The following PKP4 variants were observed in gnomAD, a reference collection of about 807,000 sequenced individuals.
PKP4 encodes the protein plakophilin-4.
A neutral mutation model predicts 145.1 loss-of-function variants in PKP4; 90 were observed. The ratio of observed to expected loss-of-function variants is 0.62; its 90% CI spans 0.52 to 0.74. The LOEUF (loss-of-function observed/expected upper bound fraction) is 0.74. PKP4 is among the 30% of genes least tolerant of loss of function. PKP4 has a pLI of 0.00. For synonymous variants in PKP4, 563 were observed against 577.2 expected, an observed-to-expected ratio of 0.98 and a Z score of 0.35; for missense variants, 1,340 against 1,482.7, an observed-to-expected ratio of 0.90 and a Z score of 1.58.
At chr2:158,490,256 G>T (rs574027170) in intron 1 of PKP4, among the ~76,000 whole-genome samples, 2 of 151,548 alleles carry the variant, frequency 1.3e-5, no homozygotes, top group African/African-American at 2.4e-5. Context: ...CAAATTGAAC[G>T]TGTCGATGCA....
intron 10 of PKP4, among the ~76,000 whole-genome samples, chr2:158,641,682 A>G (rs2105932067): frequency 6.6e-6 from 1 of 152,338 alleles, no homozygotes; most frequent in East Asian, 1.9e-4. Context: ...TGAATGTAGT[A>G]CATAAAGCCC....
intron 1 of PKP4, among the ~76,000 whole-genome samples, chr2:158,485,715 T>C (rs936143876): frequency 6.6e-6 from 1 of 152,240 alleles, no homozygotes; most frequent in African/African-American, 2.4e-5. Context: ...GGGAGAATGA[T>C]ACTGAAATTT....
chr2:158,480,081 C>G (rs931886891), intron 1 of PKP4, among the ~76,000 whole-genome samples: 1 of 152,198 alleles, frequency 6.6e-6, no homozygotes, highest in African/African-American at 2.4e-5. Context: ...TGTCCCATAT[C>G]CCTAGGTCAG....
chr2:158,642,939 CAG>C (rs1431500490), intron 11 of PKP4, among the ~76,000 whole-genome samples: 4 of 152,272 alleles, frequency 2.6e-5, no homozygotes, highest in Non-Finnish European at 5.9e-5. Context: ...TATCAGCTAA[CAG>C]ATGTCTTTTT....
chr2:158,670,204 G>A (rs2057438012), intron 17 of PKP4, among the ~76,000 whole-genome samples: 1 of 152,154 alleles, frequency 6.6e-6, no homozygotes, highest in Admixed American at 6.5e-5. Flanking sequence ...GTTGTGAACT[G>A]GGTGGCTTAT....
intron 1 of PKP4, among the ~76,000 whole-genome samples, chr2:158,469,240 C>G (rs141642850): frequency 6.6e-6 from 1 of 151,984 alleles, no homozygotes; most frequent in African/African-American, 2.4e-5. Flanking sequence ...CAGGTGCACA[C>G]CACCATGCCC....
intron 1 of PKP4, among the ~76,000 whole-genome samples, chr2:158,465,548 T>C (rs1316556980): frequency 6.6e-6 from 1 of 152,230 alleles, no homozygotes; most frequent in Non-Finnish European, 1.5e-5. Flanking sequence ...GCAGCAGTAT[T>C]TTCGTTTATT....
chr2:158,627,224 A>G (rs1235340691), intron 7 of PKP4, among the ~76,000 whole-genome samples: 1 of 152,154 alleles, frequency 6.6e-6, no homozygotes, highest in African/African-American at 2.4e-5. Flanking sequence ...TCTACCTCCC[A>G]AGGAAATCTT....
At chr2:158,473,804 A>G (rs936551335) in intron 1 of PKP4, among the ~76,000 whole-genome samples, 1 of 152,220 alleles carries the variant, frequency 6.6e-6, no homozygotes, top group African/African-American at 2.4e-5. Flanking sequence ...CTAAAAGTTT[A>G]AAATACATAT....
At chr2:158,544,209 C>T (rs1325635737) in intron 2 of PKP4, among the ~76,000 whole-genome samples, 1 of 152,158 alleles carries the variant, frequency 6.6e-6, no homozygotes, top group Non-Finnish European at 1.5e-5. Flanking sequence ...TGTTTCCAAG[C>T]CTCAGTCTGC....
chr2:158,641,079 A>G (rs560759554), intron 10 of PKP4, among the ~76,000 whole-genome samples: 3 of 152,286 alleles, frequency 2.0e-5, no homozygotes, highest in Non-Finnish European at 2.9e-5. Context: ...GCTCATGCCT[A>G]TAATCTCAGC....
chr2:158,659,157 G>A (rs1207155672), intron 12 of PKP4: 2 of 152,340 alleles, frequency 1.3e-5, no homozygotes, highest in African/African-American at 4.8e-5. Flanking sequence ...CAAAGCTTGT[G>A]TGGCTGGTCT....
chr2:158,484,755 T>C (rs1693924025), intron 1 of PKP4, among the ~76,000 whole-genome samples: 1 of 152,234 alleles, frequency 6.6e-6, no homozygotes, highest in Non-Finnish European at 1.5e-5. Context: ...CATGAAACTA[T>C]TCTTTTAAGA....
intron 4 of PKP4, among the ~76,000 whole-genome samples, chr2:158,609,679 G>T (rs2050963553): frequency 6.6e-6 from 1 of 152,188 alleles, no homozygotes; most frequent in South Asian, 2.1e-4. Flanking sequence ...TTGAAATGTG[G>T]TAAACTGGAA....
At chr2:158,500,676 C>T (rs1406537769) in intron 1 of PKP4, among the ~76,000 whole-genome samples, 3 of 152,200 alleles carry the variant, frequency 2.0e-5, no homozygotes, top group East Asian at 1.9e-4. Flanking sequence ...AGCCCTCTTA[C>T]ATTGTTGGCC....
chr2:158,525,862 G>T (rs886811224), intron 1 of PKP4, among the ~76,000 whole-genome samples: 3 of 149,202 alleles, frequency 2.0e-5, no homozygotes, highest in Non-Finnish European at 3.0e-5. Context: ...ACACCTCTAC[G>T]CAAATAAACT....
chr2:158,642,647 G>C lies in PKP4; in HGVS notation c.1857G>C (p.Leu619Phe). Residue 619 changes from leucine (L) to phenylalanine (F), a missense_variant, in exon 11 of 22, where the codon TTG becomes TTC. Leu to Phe is a conservative substitution (Grantham distance 22, BLOSUM62 0). Coordinates refer to ENST00000389759, the MANE Select transcript of PKP4 (RefSeq NM_003628.6). Reference sequence around the variant, plus strand: ...AGAATGTTGGTGGGATACCTGCCTTGTTGCGACTGTTGAGAAAATCTATTG... The same window carrying C: ...AGAATGTTGGTGGGATACCTGCCTTCTTGCGACTGTTGAGAAAATCTATTG... ...AMKNVGGIPA[L>F]LRLLRKSIDA... 6.2e-7 allele frequency: 1 copy of C among 1,611,662 alleles called. No homozygotes were observed. The highest frequency in any genetic ancestry group is 8.5e-7 in the Non-Finnish European group (1 of 1,178,274).
At chr2:158,674,100 C>T in intron 19 of PKP4, 100 bp downstream of exon 19, 1 of 780,558 alleles carries the variant, frequency 1.3e-6, no homozygotes, top group East Asian at 2.4e-5. Flanking sequence ...AGCCTGTCAT[C>T]TCCAACACTA....
intron 3 of PKP4, among the ~76,000 whole-genome samples, chr2:158,593,860 C>A (rs1323306193): frequency 6.6e-6 from 1 of 152,110 alleles, no homozygotes; most frequent in Admixed American, 6.6e-5. Context: ...TGAATAAGAC[C>A]AAACATGTTC....
Sources: allele counts gnomAD v4.1 joint callset (sites outside exome capture counted in the v4.1 genomes callset), GRCh38; gene constraint gnomAD v4.1.1; transcripts MANE v1.5; gene names NCBI Gene and HGNC (gene_info 2026-07-23, HGNC 2026-07-21).